The following IGFBP2 variants were observed in gnomAD, a reference collection of about 807,000 sequenced individuals.
The protein encoded by IGFBP2 is insulin-like growth factor-binding protein 2.
A neutral mutation model predicts 26.2 loss-of-function variants in IGFBP2; 12 were observed. That is an observed-to-expected ratio of 0.46 (90% CI 0.29 to 0.74). The LOEUF is 0.74. Ranked by LOEUF, IGFBP2 falls within the 30% of genes least tolerant of loss-of-function variation. IGFBP2 has a pLI of 0.09. For missense variants in IGFBP2, 328 were observed against 441.2 expected, an observed-to-expected ratio of 0.74 and a Z score of 2.30; for synonymous variants, 189 against 200.6, an observed-to-expected ratio of 0.94 and a Z score of 0.49.
intron 1 of IGFBP2, among the ~76,000 whole-genome samples, chr2:216,657,798 T>C (rs374908271): frequency 6.6e-6 from 1 of 152,190 alleles, no homozygotes; most frequent in Admixed American, 6.5e-5. Flanking sequence ...ATTTAATCTG[T>C]GCTGGCTTCA....
At chr2:216,650,888 A>T (rs1297055480) in intron 1 of IGFBP2, among the ~76,000 whole-genome samples, 4 of 152,184 alleles carry the variant, frequency 2.6e-5, no homozygotes, top group African/African-American at 9.7e-5. Context: ...GCTCCCTTGC[A>T]GGAAGGAAGG....
At chr2:216,655,480 C>G (rs1559179043) in intron 1 of IGFBP2, among the ~76,000 whole-genome samples, 1 of 152,178 alleles carries the variant, frequency 6.6e-6, no homozygotes, top group Non-Finnish European at 1.5e-5. Context: ...GCTTCCCGGA[C>G]CTTTGGCTTC....
At chr2:216,639,986 C>T (rs1697580007) in intron 1 of IGFBP2, among the ~76,000 whole-genome samples, 1 of 152,214 alleles carries the variant, frequency 6.6e-6, no homozygotes, top group South Asian at 2.1e-4. Context: ...GAGTGCATTT[C>T]GTCTCAGCCT....
At chr2:216,643,261 T>C (rs1697650721) in intron 1 of IGFBP2, among the ~76,000 whole-genome samples, 1 of 152,162 alleles carries the variant, frequency 6.6e-6, no homozygotes, top group Admixed American at 6.5e-5. Context: ...CAGCATCTCA[T>C]TTTGCAAGGG....
intron 2 of IGFBP2, 132 bp downstream of exon 2, chr2:216,660,918 TA>T: frequency 1.4e-6 from 1 of 689,670 alleles, no homozygotes; most frequent in Non-Finnish European, 2.5e-6. Flanking sequence ...TCCACAAACA[TA>T]GTTGTGGAAC....
intron 1 of IGFBP2, among the ~76,000 whole-genome samples, chr2:216,653,914 GA>G (rs1475171660): frequency 6.6e-6 from 1 of 152,124 alleles, no homozygotes; most frequent in East Asian, 1.9e-4. Context: ...AGGGGCCTTG[GA>G]GGTTTCTATC....
At chr2:216,662,120 C>A in intron 3 of IGFBP2, 122 bp downstream of exon 3, 2 of 1,122,224 alleles carry the variant, frequency 1.8e-6, no homozygotes, top group Non-Finnish European at 2.5e-6. Context: ...GAGACTCAGA[C>A]TCCTGTCACC....
intron 1 of IGFBP2, among the ~76,000 whole-genome samples, chr2:216,642,464 G>A (rs1181528573): frequency 1.3e-5 from 2 of 150,054 alleles, no homozygotes; most frequent in Admixed American, 6.6e-5. Context: ...ACGCCGCCAC[G>A]CTCGGCTAAT....
intron 1 of IGFBP2, among the ~76,000 whole-genome samples, chr2:216,634,248 C>T (rs976331641): frequency 1.3e-5 from 2 of 152,182 alleles, no homozygotes; most frequent in Non-Finnish European, 2.9e-5. Context: ...ACCCAGACTT[C>T]TATTCTGGAG....
At chr2:216,656,175 T>A (rs1574565097) in intron 1 of IGFBP2, among the ~76,000 whole-genome samples, 1 of 152,120 alleles carries the variant, frequency 6.6e-6, no homozygotes, top group Non-Finnish European at 1.5e-5. Flanking sequence ...CTTCTGAGGA[T>A]TAATGTTGGA....
rs1382458733 is a variant in IGFBP2, at chr2:216,664,301, CCTT to C, written c.*201_*203del. The C allele has an allele frequency of 1.1e-5, 5 of 436,876 alleles. No individual in the cohort carries two copies. The highest frequency in any genetic ancestry group is 6.9e-5 in the East Asian group (2 of 28,984). 27.1% of individuals were successfully genotyped at this position (436,876 alleles called of 1,614,324 possible). A position where few individuals can be genotyped will look rare whatever the true frequency, so the allele number is the denominator to read the frequency against. ...CCCAGCTGCAGATGCCACACCTGCTCCTTCTTGCTTTCCCCGGGGGAGGAAGGG... is the reference window on the plus strand; with the variant it reads ...CCCAGCTGCAGATGCCACACCTGCTCCTTGCTTTCCCCGGGGGAGGAAGGG... On this transcript the variant is annotated 3_prime_UTR_variant, in exon 4 of 4. Coordinates refer to ENST00000233809, the MANE Select transcript of IGFBP2 (RefSeq NM_000597.3). This position sits in a 1 kb window ranked among gnomAD's most constrained non-coding sequence, Gnocchi z 4.6.
rs1697424765 is a variant in IGFBP2, at chr2:216,633,497, C to T, written c.-27C>T. ...CCGCCCGCCCGCTCGCTCGCTCGCC[C>T]GCCGCGCCGCGCTGCCGACCGCCAG... On this transcript the variant is annotated 5_prime_UTR_variant, in exon 1 of 4. Transcript: ENST00000233809. The T allele has an allele frequency of 1.5e-6, 1 of 661,074 alleles. No individual in the cohort carries two copies. The highest frequency in any genetic ancestry group is 1.5e-4 in the East Asian group (1 of 6,650). 41.0% of individuals were successfully genotyped at this position (661,074 alleles called of 1,614,324 possible).
chr2:216,633,510 T>A lies in IGFBP2; in HGVS notation c.-14T>A. The A allele has an allele frequency of 1.4e-6, 1 of 739,192 alleles. No homozygotes were observed. Among genetic ancestry groups the A allele is most frequent in the Non-Finnish European group, 1.7e-6 (1 of 603,338 alleles). 45.8% of individuals were successfully genotyped at this position (739,192 alleles called of 1,614,324 possible). A position where few individuals can be genotyped will look rare whatever the true frequency, so the allele number is the denominator to read the frequency against. Reference sequence around the variant, plus strand: ...CGCTCGCTCGCCCGCCGCGCCGCGCTGCCGACCGCCAGCATGCTGCCGAGA... The same window carrying A: ...CGCTCGCTCGCCCGCCGCGCCGCGCAGCCGACCGCCAGCATGCTGCCGAGA... On this transcript the variant is annotated 5_prime_UTR_variant, in exon 1 of 4. Transcript: ENST00000233809.
chr2:216,660,924 T>A, intron 2 of IGFBP2, 138 bp downstream of exon 2: 1 of 668,694 alleles, frequency 1.5e-6, no homozygotes, highest in Non-Finnish European at 2.6e-6. Flanking sequence ...AACATAGTTG[T>A]GGAACATAGT....
intron 1 of IGFBP2, 158 bp downstream of exon 1, chr2:216,634,123 C>G: frequency 4.8e-6 from 4 of 836,490 alleles, no homozygotes; most frequent in Non-Finnish European, 5.8e-6. Context: ...AAGTCAGGCC[C>G]GGGGAGGGGA....
In IGFBP2 at chr2:216,660,691, G is replaced by C; in HGVS notation, c.577G>C (p.Glu193Gln). The stretch of plus-strand genomic sequence containing the variant: ...TATGAAGGAGCTGGCCGTGTTCCGG[G>C]AGAAGGTCACTGAGCAGCACCGGCA... ...SGMKELAVFR[E>Q]KVTEQHRQMG... The change falls in exon 2 of 4, where the codon GAG becomes CAG. Residue 193 changes from glutamate to glutamine, a missense_variant. Transcript: ENST00000233809. 1.2e-6 allele frequency: 2 copies of C among 1,614,068 alleles called. No homozygotes were observed. Among genetic ancestry groups the C allele is most frequent in the East Asian group, 2.2e-5 (1 of 44,876 alleles).
chr2:216,634,790 CT>C (rs1697460564), intron 1 of IGFBP2, among the ~76,000 whole-genome samples: 2 of 139,220 alleles, frequency 1.4e-5, no homozygotes, highest in Admixed American at 1.5e-4. Flanking sequence ...TTGAGGGACC[CT>C]TTCCTGTAGG....
At chr2:216,662,159 C>T (rs1688667056) in intron 3 of IGFBP2, 161 bp downstream of exon 3, 9 of 805,618 alleles carry the variant, frequency 1.1e-5, no homozygotes, top group South Asian at 8.9e-5. Flanking sequence ...GCTGCCAGGC[C>T]GGGGAGGGTG....
intron 1 of IGFBP2, chr2:216,659,845 G>A (rs1363458141): frequency 6.7e-5 from 65 of 967,078 alleles, no homozygotes; most frequent in Non-Finnish European, 9.7e-5. Context: ...ACTTGGGAAC[G>A]AGGGAATGTC....
Sources: allele counts gnomAD v4.1 joint callset (sites outside exome capture counted in the v4.1 genomes callset), GRCh38; gene constraint gnomAD v4.1.1; non-coding constraint Gnocchi (gnomAD v3.1); transcripts MANE v1.5; gene names NCBI Gene and HGNC (gene_info 2026-07-23, HGNC 2026-07-21).